The following PLCB1 variants were observed in gnomAD, a reference collection of about 807,000 sequenced individuals.
PLCB1 encodes the protein phospholipase C beta 1.
PLCB1 carries 46 observed loss-of-function variants against 161.8 expected under a neutral mutation model. The observed-to-expected ratio is 0.28, with a 90% CI of 0.22 to 0.36. The LOEUF (loss-of-function observed/expected upper bound fraction) is 0.36, where lower values mean the gene tolerates loss of function less well. Ranked by LOEUF, PLCB1 falls within the 10% of genes least tolerant of loss-of-function variation. The probability of loss-of-function intolerance (pLI) is 1.00; values close to 1 mark genes in which losing one functional copy is unlikely to be tolerated. For missense variants in PLCB1, 1,016 were observed against 1,472.5 expected (o/e 0.69, Z 5.07); for synonymous variants, 517 against 503.7 (o/e 1.03, Z -0.35).
intron 2 of PLCB1, among the ~76,000 whole-genome samples, chr20:8,280,937 A>C (rs1444049838): frequency 6.6e-6 from 1 of 152,226 alleles, no homozygotes; most frequent in Non-Finnish European, 1.5e-5. Context: ...AGGATCAGGA[A>C]GCATTAAGCA....
intron 31 of PLCB1, among the ~76,000 whole-genome samples, chr20:8,815,298 T>A (rs1985033815): frequency 6.6e-6 from 1 of 152,218 alleles, no homozygotes; most frequent in Admixed American, 6.5e-5. Flanking sequence ...TTCTTCAGAT[T>A]TATCTTCTCT....
chr20:8,477,953 T>C (rs1982349402), intron 3 of PLCB1, among the ~76,000 whole-genome samples: 1 of 152,240 alleles, frequency 6.6e-6, no homozygotes, highest in African/African-American at 2.4e-5. Flanking sequence ...CTCTCCTCTT[T>C]GTCATGGGTT....
At chr20:8,639,874 C>T (rs955646774) in intron 4 of PLCB1, among the ~76,000 whole-genome samples, 2 of 145,920 alleles carry the variant, frequency 1.4e-5, no homozygotes, top group African/African-American at 5.0e-5. Context: ...CAATATTTTA[C>T]TTTTAAATTA....
intron 2 of PLCB1, among the ~76,000 whole-genome samples, chr20:8,345,618 G>A (rs945793269): frequency 3.3e-5 from 5 of 152,148 alleles, no homozygotes; most frequent in African/African-American, 1.2e-4. Flanking sequence ...CCCCTTAGAT[G>A]CCAGCAGCAT....
At chr20:8,511,239 A>C (rs1279423596) in intron 3 of PLCB1, among the ~76,000 whole-genome samples, 1 of 151,984 alleles carries the variant, frequency 6.6e-6, no homozygotes, top group Non-Finnish European at 1.5e-5. Flanking sequence ...ATCTTTCTCT[A>C]CCTGGCTCAT....
chr20:8,326,037 A>G (rs1427422276), intron 2 of PLCB1, among the ~76,000 whole-genome samples: 1 of 152,324 alleles, frequency 6.6e-6, no homozygotes, highest in East Asian at 1.9e-4. Flanking sequence ...TCTAGGTAAC[A>G]GTAATTAAAA....
rs569334759 is a variant in PLCB1, at chr20:8,334,201, CTCCA to C, written c.178-37180_178-37177del. Among the ~76,000 whole-genome samples the C allele has an allele frequency of 2.1e-3, 319 of 150,730 alleles. 3 individuals carry two copies. The highest frequency in any genetic ancestry group is 7.4e-3 in the African/African-American group (306 of 41,262). On this transcript the variant is annotated intron_variant, in intron 2 of 31. Transcript: ENST00000338037. ...TCCAGCCTGGGCAACAGGAGTGAAA[CTCCA>C]CCTCAAAAAAAAAAAGAAAGAAAAG... is the stretch of plus-strand genomic sequence containing the variant.
intron 3 of PLCB1, among the ~76,000 whole-genome samples, chr20:8,469,664 C>T (rs1461087825): frequency 6.6e-6 from 1 of 152,072 alleles, no homozygotes; most frequent in Non-Finnish European, 1.5e-5. Flanking sequence ...TTATAAAAAT[C>T]AAAAGCTTTC....
At chr20:8,192,421 T>C (rs780574933) in intron 2 of PLCB1, among the ~76,000 whole-genome samples, 3 of 152,020 alleles carry the variant, frequency 2.0e-5, no homozygotes, top group African/African-American at 7.2e-5. Flanking sequence ...AGGACAGATA[T>C]CACTCACCTG....
At chr20:8,514,841 A>G (rs1600119560) in intron 3 of PLCB1, among the ~76,000 whole-genome samples, 2 of 152,174 alleles carry the variant, frequency 1.3e-5, no homozygotes, top group African/African-American at 2.4e-5. Flanking sequence ...TCTAAGACCA[A>G]TGCTTCTGAA....
chr20:8,654,728 C>T (rs1989407660), intron 7 of PLCB1, among the ~76,000 whole-genome samples: 1 of 151,964 alleles, frequency 6.6e-6, no homozygotes, highest in Non-Finnish European at 1.5e-5. Flanking sequence ...CTTGGATTTC[C>T]TCCTAGACAA....
intron 2 of PLCB1, among the ~76,000 whole-genome samples, chr20:8,314,568 A>G (rs989045506): frequency 6.6e-6 from 1 of 152,206 alleles, no homozygotes; most frequent in East Asian, 1.9e-4. Context: ...CAGTTTCCCT[A>G]TGTGCTAATA....
intron 31 of PLCB1, among the ~76,000 whole-genome samples, chr20:8,840,419 A>G (rs1274158367): frequency 5.5e-4 from 83 of 152,194 alleles, no homozygotes; most frequent in Admixed American, 5.4e-3. Flanking sequence ...AGAAGCTCCA[A>G]AAATAGAGTG....
intron 2 of PLCB1, among the ~76,000 whole-genome samples, chr20:8,288,515 A>G (rs2719793): frequency 0.016 from 2,443 of 152,332 alleles, 76 homozygotes; most frequent in African/African-American, 0.056. Context: ...ACCTGGTCCC[A>G]CAGGGAGCTT....
At chr20:8,817,004 A>C (rs1985113935) in intron 31 of PLCB1, among the ~76,000 whole-genome samples, 1 of 152,170 alleles carries the variant, frequency 6.6e-6, no homozygotes, top group Admixed American at 6.5e-5. Context: ...ATATCATCAC[A>C]TTTCTGTTAA....
At chr20:8,209,027 C>T (rs1978676384) in intron 2 of PLCB1, among the ~76,000 whole-genome samples, 1 of 151,984 alleles carries the variant, frequency 6.6e-6, no homozygotes, top group African/African-American at 2.4e-5. Context: ...TCTAAAAATG[C>T]TTTGCAGGCA....
intron 3 of PLCB1, among the ~76,000 whole-genome samples, chr20:8,569,330 C>A (rs1986433488): frequency 6.6e-6 from 1 of 152,178 alleles, no homozygotes; most frequent in African/African-American, 2.4e-5. Flanking sequence ...TAGTAAAATA[C>A]ATATCAGAAA....
chr20:8,378,084 C>A (rs1348402264), intron 3 of PLCB1, among the ~76,000 whole-genome samples: 3 of 152,176 alleles, frequency 2.0e-5, no homozygotes, highest in Non-Finnish European at 2.9e-5. Flanking sequence ...AAGGCAGGAA[C>A]TTGAACAGAC....
chr20:8,838,377 G>A (rs953235615), intron 31 of PLCB1, among the ~76,000 whole-genome samples: 9 of 152,204 alleles, frequency 5.9e-5, no homozygotes, highest in African/African-American at 1.9e-4. Flanking sequence ...AGAAGGCCCA[G>A]TATTTCACTG....
Sources: gnomAD v4.1 joint callset for allele counts (sites outside exome capture counted in the v4.1 genomes callset) on GRCh38, gnomAD v4.1.1 for gene constraint, MANE v1.5 for transcripts, NCBI Gene and HGNC (gene_info 2026-07-23, HGNC 2026-07-21) for gene names.